The following MYO1H variants were observed in gnomAD, a reference collection of about 807,000 sequenced individuals.
MYO1H encodes the protein unconventional myosin-Ih.
MYO1H carries 118 observed loss-of-function variants against 149.3 expected under a neutral mutation model. The ratio of observed to expected loss-of-function variants is 0.79; its 90% CI spans 0.68 to 0.92. MYO1H has a LOEUF of 0.92. Among genes scored for constraint, MYO1H ranks in the 40% least tolerant of loss-of-function variants. The pLI is 0.00. For synonymous variants in MYO1H, 447 were observed against 465.2 expected (o/e 0.96, Z 0.50); for missense variants, 1,212 against 1,280.7 (o/e 0.95, Z 0.82).
At chr12:109,386,945 C>T (rs997250432) in intron 1 of MYO1H, among the ~76,000 whole-genome samples, 1 of 149,940 alleles carries the variant, frequency 6.7e-6, no homozygotes, top group Non-Finnish European at 1.5e-5. Context: ...CTTCCAGTAG[C>T]TTTATATAGA....
At chr12:109,394,132 G>T (rs939442564) in intron 3 of MYO1H, among the ~76,000 whole-genome samples, 1 of 152,012 alleles carries the variant, frequency 6.6e-6, no homozygotes, top group African/African-American at 2.4e-5. Context: ...ATACATACTC[G>T]CCTGCAGTAT....
the MYO1H span, among the ~76,000 whole-genome samples, chr12:109,332,960 G>A: frequency 1.3e-5 from 2 of 152,072 alleles, no homozygotes; most frequent in Non-Finnish European, 2.9e-5. Flanking sequence ...TTATATGCAG[G>A]TCGACATAAT....
chr12:109,436,471 GTC>G lies in MYO1H; in HGVS notation c.2141-15_2141-14del, dbSNP rs1464992704. The G allele has an allele frequency of 6.9e-6, 11 of 1,597,912 alleles. No homozygotes were observed. The African/African-American group carries it at 9.4e-5, about 14-fold the overall frequency. Reference sequence around the variant, plus strand: ...AAATGCAAAGCCATTTCACCAAAACGTCTGTTTTATTTTAAGTTGCAAGAATC... The same window carrying G: ...AAATGCAAAGCCATTTCACCAAAACGTGTTTTATTTTAAGTTGCAAGAATC... On this transcript the variant is annotated splice_polypyrimidine_tract_variant and intron_variant, in intron 21 of 31. Coordinates refer to ENST00000310903, the Ensembl canonical transcript of MYO1H.
At chr12:109,397,887 T>C (rs1293771573) in intron 5 of MYO1H, 75 bp downstream of exon 5, 2 of 1,133,804 alleles carry the variant, frequency 1.8e-6, no homozygotes, top group South Asian at 3.4e-5. Flanking sequence ...CCAAGGCCCC[T>C]TAAGGGGAGA....
rs1371725807 is a variant in MYO1H, at chr12:109,443,009, A to AAAATAT, written c.2689-504_2689-503insAATATA. Reference sequence around the variant, plus strand: ...TGCAGAGAGCCAGGAAAAAAAAAAAAATATATATATATATATATATGTGTG... The same window carrying AAAATAT: ...TGCAGAGAGCCAGGAAAAAAAAAAAAAAATATATATATATATATATATATATGTGTG... On this transcript the variant is annotated intron_variant, in intron 27 of 31. Coordinates refer to ENST00000310903, the Ensembl canonical transcript of MYO1H. Among the ~76,000 whole-genome samples, 40 of 58,496 alleles carry AAAATAT rather than the reference A, an allele frequency of 6.8e-4. 7 individuals are homozygous for AAAATAT. The highest frequency in any genetic ancestry group is 1.3e-3 in the African/African-American group (12 of 9,328). The allele number at this position is 58,496 out of a possible 152,430, so 38.4% of individuals were successfully genotyped here.
intron 27 of MYO1H, 80 bp downstream of exon 27, chr12:109,442,352 G>T: frequency 2.3e-6 from 3 of 1,281,706 alleles, no homozygotes; most frequent in Middle Eastern, 1.9e-4. Context: ...TCCATAAAGG[G>T]CGCACTATTT....
intron 2 of MYO1H, among the ~76,000 whole-genome samples, chr12:109,390,796 G>C (rs1869616586): frequency 6.6e-6 from 1 of 152,032 alleles, no homozygotes; most frequent in Non-Finnish European, 1.5e-5. Context: ...CTCCCAAGTA[G>C]CTGGGATTAC....
At chr12:109,372,636 G>T (rs1869005828) in intron 1 of MYO1H, among the ~76,000 whole-genome samples, 1 of 152,002 alleles carries the variant, frequency 6.6e-6, no homozygotes, top group Admixed American at 6.5e-5. Context: ...AAAGACATAT[G>T]TCATCATGTC....
the MYO1H span, among the ~76,000 whole-genome samples, chr12:109,313,084 A>C: frequency 6.6e-6 from 1 of 152,090 alleles, no homozygotes; most frequent in South Asian, 2.1e-4. Context: ...TACAAAAAAA[A>C]TAAACAAAAA....
At chr12:109,426,624 AG>A (rs1181879304) in intron 18 of MYO1H, among the ~76,000 whole-genome samples, 1 of 152,226 alleles carries the variant, frequency 6.6e-6, no homozygotes, top group Non-Finnish European at 1.5e-5. Context: ...CAGCTGAGTC[AG>A]GCAGGTGTCA....
At chr12:109,356,528 A>AT (rs998002265) in intron 1 of MYO1H, among the ~76,000 whole-genome samples, 10 of 151,588 alleles carry the variant, frequency 6.6e-5, no homozygotes, top group South Asian at 2.1e-4. Context: ...ACTTCCAACA[A>AT]TTTTTTTTTC....
At chr12:109,405,789 G>A (rs9888353) in intron 7 of MYO1H, 133 bp from the exon 8 acceptor site, 314,483 of 672,332 alleles carry the variant, frequency 0.47, 76,444 homozygotes, top group African/African-American at 0.66. Flanking sequence ...TGGTTCTGTG[G>A]GCTCAGGTGT....
the MYO1H span, among the ~76,000 whole-genome samples, chr12:109,332,796 CT>C: frequency 1.2e-4 from 18 of 152,134 alleles, no homozygotes; most frequent in Non-Finnish European, 2.4e-4. Context: ...TTGCCCAAAA[CT>C]GGTCTCAAAG....
intron 16 of MYO1H, 82 bp from the exon 17 acceptor site, chr12:109,424,666 T>A: frequency 9.5e-7 from 1 of 1,050,720 alleles, no homozygotes; most frequent in Non-Finnish European, 1.4e-6. Context: ...TGTTGCTTCA[T>A]GCACACTCTG....
intron 1 of MYO1H, among the ~76,000 whole-genome samples, chr12:109,354,987 G>A (rs1166573923): frequency 6.6e-6 from 1 of 152,152 alleles, no homozygotes; most frequent in East Asian, 1.9e-4. Context: ...GAAATAGCCT[G>A]ACTTGCATTT....
At chr12:109,360,938 C>T (rs1868732129) in intron 1 of MYO1H, among the ~76,000 whole-genome samples, 1 of 152,208 alleles carries the variant, frequency 6.6e-6, no homozygotes, top group Non-Finnish European at 1.5e-5. Context: ...ATGAACACAA[C>T]TCACGTCTGT....
chr12:109,358,494 T>A (rs1010819531), intron 1 of MYO1H, among the ~76,000 whole-genome samples: 3 of 152,250 alleles, frequency 2.0e-5, no homozygotes, highest in Non-Finnish European at 2.9e-5. Flanking sequence ...CTTCCCTAAC[T>A]GTAATTTTAT....
At chr12:109,335,833 C>A in the MYO1H span, among the ~76,000 whole-genome samples, 1 of 152,120 alleles carries the variant, frequency 6.6e-6, no homozygotes, top group Non-Finnish European at 1.5e-5. Flanking sequence ...ATTTTCTTCC[C>A]ATTTTCTGTT....
At chr12:109,389,507 C>G (rs1251769486) in intron 2 of MYO1H, among the ~76,000 whole-genome samples, 2 of 152,092 alleles carry the variant, frequency 1.3e-5, no homozygotes, top group Non-Finnish European at 2.9e-5. Flanking sequence ...GCAGAGATAC[C>G]AAGCAGGCAA....
Sources: gnomAD v4.1 joint callset for allele counts (sites outside exome capture counted in the v4.1 genomes callset) on GRCh38, gnomAD v4.1.1 for gene constraint, MANE v1.5 for transcripts, NCBI Gene and HGNC (gene_info 2026-07-23, HGNC 2026-07-21) for gene names.